Variants in RBFOX1 observed in about 807,000 individuals in gnomAD.
RBFOX1 encodes the protein RNA binding protein fox-1 homolog 1.
In RBFOX1, 8 loss-of-function variants were observed where a neutral mutation model predicts 57.7. The observed-to-expected ratio is 0.14, with a 90% confidence interval of 0.08 to 0.25. RBFOX1 has a LOEUF of 0.25. Ranked by LOEUF, RBFOX1 falls within the 10% of genes least tolerant of loss-of-function variation. The pLI is 1.00. For missense variants in RBFOX1, 611 were observed against 548.5 expected, an observed-to-expected ratio of 1.11 and a Z score of -1.14; for synonymous variants, 326 against 222.4, an observed-to-expected ratio of 1.47 and a Z score of -4.15.
At chr16:6,782,654 C>G (rs1362705393) in intron 3 of RBFOX1, among the ~76,000 whole-genome samples, 1 of 152,130 alleles carries the variant, frequency 6.6e-6, no homozygotes, top group Non-Finnish European at 1.5e-5. Context: ...AACATATGGT[C>G]TACCCTGGAG....
intron 4 of RBFOX1, among the ~76,000 whole-genome samples, chr16:7,237,164 C>T (rs185555139): frequency 2.0e-5 from 3 of 152,152 alleles, no homozygotes; most frequent in African/African-American, 4.8e-5. Context: ...GATAGGCCAG[C>T]GTGCCAGATG....
At chr16:6,271,744 A>G (rs1360382807) in intron 1 of RBFOX1, among the ~76,000 whole-genome samples, 1 of 152,198 alleles carries the variant, frequency 6.6e-6, no homozygotes, top group African/African-American at 2.4e-5. Flanking sequence ...ATCATATTTT[A>G]CTCACTGTGA....
At chr16:5,968,811 C>T (rs1596317198) in intron 4 of RBFOX1, among the ~76,000 whole-genome samples, 1 of 151,920 alleles carries the variant, frequency 6.6e-6, no homozygotes, top group African/African-American at 2.4e-5. Context: ...CTCTTGTTTT[C>T]TCTTTCTTTT....
At chr16:7,691,219 A>G (rs998833004) in intron 14 of RBFOX1, among the ~76,000 whole-genome samples, 1 of 151,204 alleles carries the variant, frequency 6.6e-6, no homozygotes, top group Admixed American at 6.6e-5. Flanking sequence ...GCCTTGAAAC[A>G]GATGTGAATT....
intron 2 of RBFOX1, among the ~76,000 whole-genome samples, chr16:6,590,024 G>T (rs575078630): frequency 8.1e-4 from 124 of 152,254 alleles, no homozygotes; most frequent in Middle Eastern, 3.4e-3. Context: ...CTTAGTCTTG[G>T]TTGGGGATCT....
At chr16:7,663,782 C>G (rs1391219095) in intron 12 of RBFOX1, among the ~76,000 whole-genome samples, 1 of 152,136 alleles carries the variant, frequency 6.6e-6, no homozygotes, top group Non-Finnish European at 1.5e-5. Flanking sequence ...GCTTCATATG[C>G]AAGATGCCTT....
intron 3 of RBFOX1, among the ~76,000 whole-genome samples, chr16:6,757,925 G>T (rs749903559): frequency 9.9e-5 from 15 of 152,122 alleles, no homozygotes; most frequent in Non-Finnish European, 1.9e-4. Flanking sequence ...CAATTATTAT[G>T]CATTAGTAAA....
intron 2 of RBFOX1, among the ~76,000 whole-genome samples, chr16:6,356,185 C>G (rs1172813332): frequency 6.6e-6 from 1 of 152,228 alleles, no homozygotes; most frequent in East Asian, 1.9e-4. Context: ...GATTCTCCAT[C>G]TTTAAGCACT....
intron 5 of RBFOX1, among the ~76,000 whole-genome samples, chr16:7,567,527 C>G (rs1439203269): frequency 2.6e-5 from 3 of 115,018 alleles, no homozygotes; most frequent in African/African-American, 9.6e-5. Context: ...ATATATATCC[C>G]TATGTATGGC....
At chr16:5,845,366 C>G (rs975737085) in intron 3 of RBFOX1, among the ~76,000 whole-genome samples, 1 of 152,186 alleles carries the variant, frequency 6.6e-6, no homozygotes, top group African/African-American at 2.4e-5. Flanking sequence ...AGTTTCAGAT[C>G]TCAGCTTGCT....
intron 3 of RBFOX1, among the ~76,000 whole-genome samples, chr16:6,834,646 C>T (rs754725933): frequency 3.3e-5 from 5 of 152,130 alleles, no homozygotes; most frequent in Non-Finnish European, 5.9e-5. Context: ...ATTGTTGTTA[C>T]TCATAAATGT....
chr16:6,619,682 GT>G (rs2098197866), intron 2 of RBFOX1, among the ~76,000 whole-genome samples: 1 of 124,944 alleles, frequency 8.0e-6, no homozygotes, highest in Non-Finnish European at 1.7e-5. Flanking sequence ...ATCTTTGTTG[GT>G]TTCCTTTTTT....
intron 3 of RBFOX1, among the ~76,000 whole-genome samples, chr16:6,876,924 AC>A: frequency 6.6e-6 from 1 of 152,292 alleles, no homozygotes; most frequent in East Asian, 1.9e-4. Context: ...CACTATTCTG[AC>A]CTTTTTTCAA....
At chr16:6,694,982 A>G (rs1050528518) in intron 3 of RBFOX1, among the ~76,000 whole-genome samples, 4 of 152,104 alleles carry the variant, frequency 2.6e-5, no homozygotes, top group African/African-American at 4.8e-5. Context: ...CTGTAGGTGA[A>G]GGGAAAAAAA....
intron 10 of RBFOX1, among the ~76,000 whole-genome samples, chr16:7,624,624 C>G (rs963286348): frequency 3.1e-4 from 47 of 152,282 alleles, no homozygotes; most frequent in African/African-American, 1.1e-3. Flanking sequence ...TCATAGTTGC[C>G]TAGCTGAGCA....
Position 7,594,048 on chromosome 16 carries a change from C to T in RBFOX1, c.469-1501C>T, listed in dbSNP as rs764289816. ...TGTGCAGGTTTGTTACATAGGTATA[C>T]GTGTGCCATATTGGTTTGCTGCACC... On this transcript the variant is annotated intron_variant, in intron 7 of 15. Coordinates refer to ENST00000550418, the MANE Select transcript of RBFOX1 (RefSeq NM_018723.4). Among the ~76,000 whole-genome samples the T allele has an allele frequency of 1.6e-4, 24 of 152,156 alleles. 1 individual carries two copies. The highest frequency in any genetic ancestry group is 6.8e-3 in the Middle Eastern group (2 of 294).
intron 4 of RBFOX1, among the ~76,000 whole-genome samples, chr16:7,066,055 T>G (rs994109692): frequency 4.6e-5 from 7 of 152,336 alleles, no homozygotes; most frequent in African/African-American, 1.7e-4. Flanking sequence ...GAAAAAAGTT[T>G]TGCAAACATC....
intron 3 of RBFOX1, among the ~76,000 whole-genome samples, chr16:5,629,552 G>C (rs1406574028): frequency 4.6e-5 from 7 of 152,222 alleles, no homozygotes; most frequent in Non-Finnish European, 8.8e-5. Context: ...GGAGTCTAAT[G>C]TCAGAATAAT....
chr16:6,974,457 G>T (rs1228179033), intron 3 of RBFOX1, among the ~76,000 whole-genome samples: 1 of 140,362 alleles, frequency 7.1e-6, no homozygotes, highest in Non-Finnish European at 1.5e-5. Context: ...GAATTATCCT[G>T]CCTCAGCCTC....
Sources: gnomAD v4.1 joint callset for allele counts (sites outside exome capture counted in the v4.1 genomes callset) on GRCh38, gnomAD v4.1.1 for gene constraint, MANE v1.5 for transcripts, NCBI Gene and HGNC (gene_info 2026-07-23, HGNC 2026-07-21) for gene names.